Variants in SLC25A26 observed in about 807,000 individuals in gnomAD.
SLC25A26 encodes the protein mitochondrial S-adenosylmethionine carrier protein.
In SLC25A26, 36 loss-of-function variants were observed where a neutral mutation model predicts 37.8. The observed-to-expected ratio is 0.95, with a 90% CI of 0.73 to 1.26. The LOEUF is 1.26. Ranked by LOEUF, SLC25A26 falls within the 50% of genes most tolerant of loss-of-function variation. The pLI is 0.00. For synonymous variants in SLC25A26, 129 were observed against 122.5 expected (o/e 1.05, Z -0.35); for missense variants, 390 against 331.1 (o/e 1.18, Z -1.38).
At chr3:66,298,622 A>G (rs918388545) in intron 5 of SLC25A26, among the ~76,000 whole-genome samples, 3 of 152,204 alleles carry the variant, frequency 2.0e-5, no homozygotes, top group Non-Finnish European at 4.4e-5. Flanking sequence ...CTGTAGCTGG[A>G]TTTCTTACCC....
At position 66,208,870 on chromosome 3, in the gene SLC25A26, G is replaced by GTGTATATATATATATATA. The variant is rs1364331517; in HGVS notation, c.-353-11871_-353-11870insGTATATATATATATATAT. 6.2e-3 allele frequency among the ~76,000 whole-genome samples: 348 copies of GTGTATATATATATATATA among 55,898 alleles called. 10 individuals are homozygous for GTGTATATATATATATATA. The highest frequency in any genetic ancestry group is 0.028 in the South Asian group (24 of 864). The allele number at this position is 55,898 out of a possible 152,430, so 36.7% of individuals were successfully genotyped here. On this transcript the variant is annotated intron_variant, in intron 1 of 10. Coordinates refer to the SLC25A26 transcript ENST00000676754. ...TATATATACCTTTATATGGGTGTGT[G>GTGTATATATATATATATA]TATATATATATATATACACCTTTAT... is the stretch of plus-strand genomic sequence containing the variant.
At position 66,236,680 on chromosome 3, in the gene SLC25A26, C is replaced by T; in HGVS notation, c.170C>T (p.Ala57Val). The stretch of plus-strand genomic sequence containing the variant: ...ATATATGCTGGCGTTCCTTCTGCTG[C>T]TATTGGATCCTTTCCTAATGGTAAA... ...HGIYAGVPSA[A>V]IGSFPNAAAF... Residue 57 changes from alanine to valine, a missense_variant, in exon 2 of 10, where the codon GCT becomes GTT. Transcript: ENST00000354883. 6 of 1,520,666 alleles carry T rather than the reference C, an allele frequency of 3.9e-6. No individual in the cohort carries two copies. The highest frequency in any genetic ancestry group is 5.3e-6 in the Non-Finnish European group (6 of 1,135,632). 94.2% of individuals were successfully genotyped at this position (1,520,666 alleles called of 1,614,324 possible).
chr3:66,347,693 T>C (rs1175192732), intron 6 of SLC25A26, among the ~76,000 whole-genome samples: 1 of 152,220 alleles, frequency 6.6e-6, no homozygotes, highest in South Asian at 2.1e-4. Flanking sequence ...ATTGCAGCAC[T>C]ATTTATAATA....
At chr3:66,364,401 G>C (rs2076780329) in intron 7 of SLC25A26, among the ~76,000 whole-genome samples, 1 of 152,176 alleles carries the variant, frequency 6.6e-6, no homozygotes, top group Non-Finnish European at 1.5e-5. Flanking sequence ...GGGGAGTGTG[G>C]CAGCACAGCC....
chr3:66,265,441 G>A (rs1464966465), intron 5 of SLC25A26, among the ~76,000 whole-genome samples: 1 of 152,232 alleles, frequency 6.6e-6, no homozygotes, highest in Non-Finnish European at 1.5e-5. Flanking sequence ...GAGAAGTCTG[G>A]TTTGGGACAC....
At chr3:66,350,415 C>T (rs1185919290) in intron 6 of SLC25A26, among the ~76,000 whole-genome samples, 1 of 152,166 alleles carries the variant, frequency 6.6e-6, no homozygotes, top group Admixed American at 6.5e-5. Context: ...TTCTCTATAT[C>T]ACATTACTCA....
At chr3:66,181,256 G>C (rs915651508) in intron 1 of SLC25A26, among the ~76,000 whole-genome samples, 6 of 152,208 alleles carry the variant, frequency 3.9e-5, no homozygotes, top group Admixed American at 3.3e-4. Context: ...TAGTGGAGTG[G>C]TTAAAAGAAT....
chr3:66,359,022 G>A (rs1016738635), intron 6 of SLC25A26, among the ~76,000 whole-genome samples: 1 of 152,068 alleles, frequency 6.6e-6, no homozygotes, highest in Admixed American at 6.6e-5. Context: ...TTTTTTGTTT[G>A]TTTTAAGATA....
chr3:66,154,600 G>A (rs781150613), intron 1 of SLC25A26, among the ~76,000 whole-genome samples: 7 of 142,030 alleles, frequency 4.9e-5, no homozygotes, highest in Non-Finnish European at 1.0e-4. Context: ...GTGCAGTGAC[G>A]CCATCACAGC....
chr3:66,184,363 G>A (rs1363547766), intron 1 of SLC25A26, among the ~76,000 whole-genome samples: 4 of 151,588 alleles, frequency 2.6e-5, no homozygotes, highest in African/African-American at 4.9e-5. Flanking sequence ...ACTCAATCCC[G>A]ACCCTGACCC....
Position 66,332,476 on chromosome 3 carries a change from C to CT in SLC25A26, c.454-13879dup, listed in dbSNP as rs759014858. 3.6e-3 allele frequency among the ~76,000 whole-genome samples: 539 copies of CT among 151,544 alleles called. 2 individuals are homozygous for CT. The highest frequency in any genetic ancestry group is 0.016 in the East Asian group (80 of 5,158). On this transcript the variant is annotated intron_variant, in intron 5 of 9. Coordinates refer to ENST00000354883, the MANE Select transcript of SLC25A26 (RefSeq NM_001379210.1). ...TACCATATTTCATAAAACTAAAGCA[C>CT]TTTTTTTTTGCATTTTAGCACCTCT...
At chr3:66,374,524 A>G (rs1435611355) in intron 9 of SLC25A26, among the ~76,000 whole-genome samples, 1 of 152,196 alleles carries the variant, frequency 6.6e-6, no homozygotes, top group South Asian at 2.1e-4. Context: ...AGTTAGGCCA[A>G]TTAATAATCC....
chr3:66,254,407 C>A (rs1416919854), intron 3 of SLC25A26, among the ~76,000 whole-genome samples: 1 of 152,206 alleles, frequency 6.6e-6, no homozygotes, highest in Non-Finnish European at 1.5e-5. Context: ...TTCATAGTTT[C>A]CAGGGGTCTC....
intron 1 of SLC25A26, among the ~76,000 whole-genome samples, chr3:66,151,008 A>G (rs545304064): frequency 1.3e-5 from 2 of 152,044 alleles, no homozygotes; most frequent in East Asian, 3.9e-4. Flanking sequence ...TCACGTTCTA[A>G]TGCCACACCG....
intron 5 of SLC25A26, among the ~76,000 whole-genome samples, chr3:66,267,752 T>C (rs761195674): frequency 1.3e-5 from 2 of 152,186 alleles, no homozygotes; most frequent in Non-Finnish European, 2.9e-5. Context: ...GTTCAGTAAG[T>C]TCATTGAAGC....
intron 1 of SLC25A26, among the ~76,000 whole-genome samples, chr3:66,183,358 C>T (rs1265037311): frequency 6.6e-6 from 1 of 152,058 alleles, no homozygotes; most frequent in Non-Finnish European, 1.5e-5. Context: ...CAGATTCTCA[C>T]CCTCACAATG....
rs547248883 is a variant in SLC25A26 at position 66,264,216 on chromosome 3, G to A, written c.453+837G>A. Among the ~76,000 whole-genome samples, 83 of 151,986 alleles carry A rather than the reference G, an allele frequency of 5.5e-4. No homozygotes were observed. In the South Asian group the frequency reaches 6.2e-3, roughly 11 times the overall value. On this transcript the variant is annotated intron_variant, in intron 5 of 9. Coordinates refer to ENST00000354883, the MANE Select transcript of SLC25A26 (RefSeq NM_001379210.1). Reference sequence around the variant, plus strand: ...GAACTTGGGAGGTGGAGGTTGCAGTGAGCCAAGATCGTGCCACTGGATTCC... The same window carrying A: ...GAACTTGGGAGGTGGAGGTTGCAGTAAGCCAAGATCGTGCCACTGGATTCC...
upstream of SLC25A26, chr3:66,220,702 T>C (rs1576648380): frequency 3.3e-6 from 1 of 304,284 alleles, no homozygotes; most frequent in Non-Finnish European, 6.1e-6. Flanking sequence ...CCCTCACGAC[T>C]CCTCCCTCCG....
At chr3:66,265,158 A>G (rs2073694417) in intron 5 of SLC25A26, among the ~76,000 whole-genome samples, 1 of 151,974 alleles carries the variant, frequency 6.6e-6, no homozygotes, top group Non-Finnish European at 1.5e-5. Context: ...ATAACATACG[A>G]AAACTAGCTG....
Sources: allele counts gnomAD v4.1 joint callset (sites outside exome capture counted in the v4.1 genomes callset), GRCh38; gene constraint gnomAD v4.1.1; transcripts MANE v1.5; gene names NCBI Gene and HGNC (gene_info 2026-07-23, HGNC 2026-07-21).